IKBKB-DT: variants seen among roughly 807,000 people sequenced by gnomAD.
IKBKB-DT encodes IKBKB antisense RNA.
intron 3 of IKBKB-DT, among the ~76,000 whole-genome samples, chr8:42,235,124 G>T: frequency 6.8e-6 from 1 of 147,966 alleles, no homozygotes; most frequent in Admixed American, 6.7e-5. Flanking sequence ...CCTAACATTG[G>T]CCTTTTGATG....
At chr8:42,234,534 G>A (rs1806893358) in intron 3 of IKBKB-DT, among the ~76,000 whole-genome samples, 1 of 152,188 alleles carries the variant, frequency 6.6e-6, no homozygotes, top group Non-Finnish European at 1.5e-5. Context: ...GTGTCTGACT[G>A]CATTTGCCTG....
chr8:42,256,566 C>A (rs1264784777), intron 3 of IKBKB-DT, among the ~76,000 whole-genome samples: 1 of 151,972 alleles, frequency 6.6e-6, no homozygotes, highest in South Asian at 2.1e-4. Context: ...GAGCAAAACT[C>A]CATCTCAAAA....
chr8:42,234,000 C>T (rs911179724), intron 3 of IKBKB-DT: 1 of 152,200 alleles, frequency 6.6e-6, no homozygotes, highest in Admixed American at 6.6e-5. Flanking sequence ...AGCTGCATGA[C>T]TCCTAAACCA....
chr8:42,259,647 C>T lies in IKBKB-DT; in HGVS notation n.1529+3682G>A, dbSNP rs74936015. On this transcript the variant is annotated intron_variant and non_coding_transcript_variant, in intron 3 of 3. Transcript: ENST00000518213. ...TTATAACTGCCTGACAGGTTCTTCC[C>T]GCCTGCTGCACAAATGAAGAGCATG... Among the ~76,000 whole-genome samples the T allele has an allele frequency of 3.2e-3, 483 of 152,100 alleles. 1 individual carries two copies. Among genetic ancestry groups the T allele is most frequent in the Non-Finnish European group, 5.0e-3 (343 of 67,994 alleles).
chr8:42,244,077 C>CT (rs1407350697), intron 3 of IKBKB-DT, among the ~76,000 whole-genome samples: 4 of 152,186 alleles, frequency 2.6e-5, no homozygotes, highest in African/African-American at 9.7e-5. Flanking sequence ...TTTCTGGAAA[C>CT]TAAGCTTTGG....
intron 3 of IKBKB-DT, among the ~76,000 whole-genome samples, chr8:42,251,001 T>C (rs1807122511): frequency 6.6e-6 from 1 of 152,086 alleles, no homozygotes; most frequent in South Asian, 2.1e-4. Context: ...GCCCAGCACT[T>C]TGGGAGGCCA....
At chr8:42,260,531 T>C (rs192380506) in intron 3 of IKBKB-DT, among the ~76,000 whole-genome samples, 31 of 151,676 alleles carry the variant, frequency 2.0e-4, no homozygotes, top group Non-Finnish European at 3.7e-4. Flanking sequence ...TTAGCCTAGC[T>C]TGGTGGCACG....
At chr8:42,253,367 G>A (rs1807154117) in intron 3 of IKBKB-DT, among the ~76,000 whole-genome samples, 1 of 152,238 alleles carries the variant, frequency 6.6e-6, no homozygotes, top group Non-Finnish European at 1.5e-5. Flanking sequence ...TCAATCAAAT[G>A]TTTGATTGGA....
Position 42,246,971 on chromosome 8 carries a change from C to G in IKBKB-DT, n.1530-13112G>C, listed in dbSNP as rs1807072504. ...ACATGCATAGTTCACAACAGGGTTCCTGCTCCTAGGAGAATCTGAGGCCGC... is the reference window on the plus strand; with the variant it reads ...ACATGCATAGTTCACAACAGGGTTCGTGCTCCTAGGAGAATCTGAGGCCGC... On this transcript the variant is annotated intron_variant and non_coding_transcript_variant, in intron 3 of 3. Transcript: ENST00000518213. Among the ~76,000 whole-genome samples the G allele has an allele frequency of 7.2e-5, 11 of 152,312 alleles. No individual in the cohort carries two copies. The South Asian group carries it at 2.3e-3, about 32-fold the overall frequency.
chr8:42,255,951 G>A (rs550303902), intron 3 of IKBKB-DT, among the ~76,000 whole-genome samples: 24 of 151,310 alleles, frequency 1.6e-4, no homozygotes, highest in South Asian at 4.2e-4. Flanking sequence ...GCTTGAACCC[G>A]GGAGGTGGAG....
intron 3 of IKBKB-DT, among the ~76,000 whole-genome samples, chr8:42,246,055 G>A (rs761262833): frequency 5.3e-5 from 8 of 151,932 alleles, no homozygotes; most frequent in Non-Finnish European, 7.4e-5. Flanking sequence ...TTTTTGTTTC[G>A]AGACAGGATC....
intron 3 of IKBKB-DT, among the ~76,000 whole-genome samples, chr8:42,254,893 G>C (rs1338743394): frequency 2.1e-5 from 3 of 142,362 alleles, no homozygotes; most frequent in South Asian, 2.3e-4. Flanking sequence ...GCTGCCCACT[G>C]TCTGGGAAGT....
At chr8:42,257,564 C>T (rs987875964) in intron 3 of IKBKB-DT, among the ~76,000 whole-genome samples, 4 of 151,828 alleles carry the variant, frequency 2.6e-5, no homozygotes, top group African/African-American at 9.7e-5. Context: ...TTTTTAGGGG[C>T]CTTCAGGAAA....
At chr8:42,268,030 CAG>C (rs965833633) in intron 1 of IKBKB-DT, among the ~76,000 whole-genome samples, 9 of 151,644 alleles carry the variant, frequency 5.9e-5, no homozygotes, top group African/African-American at 2.2e-4. Flanking sequence ...TTTCTCAGGA[CAG>C]TGTTTTTCAG....
At position 42,244,337 on chromosome 8, in the gene IKBKB-DT, C is replaced by T. The variant is rs529935556; in HGVS notation, n.1530-10478G>A. On this transcript the variant is annotated intron_variant and non_coding_transcript_variant, in intron 3 of 3. Transcript: ENST00000518213. ...GAAGATCTTGGAACAGAGCCCATTC[C>T]GTTTCCCCTTTAGAAAATAAGGGAG... Among the ~76,000 whole-genome samples, 477 of 152,282 alleles carry T rather than the reference C, an allele frequency of 3.1e-3. 1 individual carries two copies. The highest frequency in any genetic ancestry group is 6.9e-3 in the Admixed American group (106 of 15,286).
chr8:42,238,968 C>A (rs923644550), intron 3 of IKBKB-DT, among the ~76,000 whole-genome samples: 1 of 152,170 alleles, frequency 6.6e-6, no homozygotes, highest in East Asian at 1.9e-4. Context: ...TAATTAAACT[C>A]TTTCTCTACT....
rs569486037 is a variant in IKBKB-DT at position 42,271,210 on chromosome 8, C to A, written n.44G>T. On this transcript the variant is annotated non_coding_transcript_exon_variant, in exon 1 of 4. Transcript: ENST00000518213. ...CCGGGGGAGTCGCCCGGTCGAGGGTCCCGGGACAGGCGCAGCACTCGCAGC... is the reference window on the plus strand; with the variant it reads ...CCGGGGGAGTCGCCCGGTCGAGGGTACCGGGACAGGCGCAGCACTCGCAGC... 111 of 625,984 alleles carry A rather than the reference C, an allele frequency of 1.8e-4. 1 individual carries two copies. In the South Asian group the frequency reaches 1.9e-3, roughly 11 times the overall value. 38.8% of individuals were successfully genotyped at this position (625,984 alleles called of 1,614,324 possible).
chr8:42,248,869 C>CAA (rs1326485245), intron 3 of IKBKB-DT, among the ~76,000 whole-genome samples: 3,690 of 67,882 alleles, frequency 0.054, 167 homozygotes, highest in African/African-American at 0.15. Context: ...GAGGCTCTAC[C>CAA]AAAAAAAAAA....
intron 3 of IKBKB-DT, among the ~76,000 whole-genome samples, chr8:42,254,402 G>A (rs1305442714): frequency 6.6e-6 from 1 of 152,164 alleles, no homozygotes; most frequent in African/African-American, 2.4e-5. Flanking sequence ...GGGAAGTGAG[G>A]AGCGCCTCTG....
Sources: gnomAD v4.1 joint callset for allele counts (sites outside exome capture counted in the v4.1 genomes callset) on GRCh38, gnomAD v4.1.1 for gene constraint, MANE v1.5 for transcripts, NCBI Gene and HGNC (gene_info 2026-07-23, HGNC 2026-07-21) for gene names.